The following FAAH2 variants were observed in gnomAD, a reference collection of about 807,000 sequenced individuals.
FAAH2 encodes the protein fatty acid amide hydrolase 2.
Under a neutral mutation model 36.9 loss-of-function variants are expected in FAAH2, and 60 were observed. That is an observed-to-expected ratio of 1.63 (90% CI 1.32 to 2.02). The LOEUF (loss-of-function observed/expected upper bound fraction) is 2.02, where lower values mean the gene tolerates loss of function less well. FAAH2 is among the 30% of genes most tolerant of loss of function. FAAH2 has a pLI of 0.00. For synonymous variants in FAAH2, 214 were observed against 143.8 expected, an observed-to-expected ratio of 1.49 and a Z score of -3.49; for missense variants, 689 against 397.5, an observed-to-expected ratio of 1.73 and a Z score of -6.23.
At chrX:57,473,247 A>T (rs1449050145) in intron 10 of FAAH2, among the ~76,000 whole-genome samples, 2 of 110,743 alleles carry the variant, frequency 1.8e-5, no homozygotes, top group Non-Finnish European at 3.8e-5. Context: ...ATACACTTCA[A>T]TTTTTTTTAA....
At chrX:57,131,095 T>TC in the FAAH2 span, among the ~76,000 whole-genome samples, 1 of 105,765 alleles carries the variant, frequency 9.5e-6, no homozygotes, top group Non-Finnish European at 2.0e-5. Flanking sequence ...TTTTTTTTTT[T>TC]TGAGACGGAG....
intron 10 of FAAH2, among the ~76,000 whole-genome samples, chrX:57,460,127 G>A (rs2056932254): frequency 9.0e-6 from 1 of 111,397 alleles, no homozygotes; most frequent in Non-Finnish European, 1.9e-5. Flanking sequence ...GAAAAGGAAT[G>A]AAAAAAGCCT....
In FAAH2 at chrX:57,299,154, A is replaced by G. The variant is rs1025766762; in HGVS notation, c.275+6574A>G. On this transcript the variant is annotated intron_variant, in intron 2 of 10. Transcript: ENST00000374900. ...AAGCCTGACAGAGACACAACAAAAAAAAGAGAATTTTAGACCAATATCCTT... is the reference window on the plus strand; with the variant it reads ...AAGCCTGACAGAGACACAACAAAAAGAAGAGAATTTTAGACCAATATCCTT... 9.5e-4 allele frequency among the ~76,000 whole-genome samples: 106 copies of G among 111,861 alleles called. 1 individual carries two copies. Among genetic ancestry groups the G allele is most frequent in the African/African-American group, 2.0e-3 (63 of 30,811 alleles).
intron 7 of FAAH2, among the ~76,000 whole-genome samples, chrX:57,388,131 A>G (rs748259174): frequency 8.9e-6 from 1 of 111,863 alleles, no homozygotes; most frequent in African/African-American, 3.2e-5. Context: ...GAATAAAAAT[A>G]TTAAGGATTT....
the FAAH2 span, among the ~76,000 whole-genome samples, chrX:57,252,215 A>T: frequency 8.9e-6 from 1 of 112,568 alleles, no homozygotes; most frequent in Non-Finnish European, 1.9e-5. Flanking sequence ...CTATGCTCAC[A>T]GTGTAAGCAA....
At chrX:57,163,183 G>T in the FAAH2 span, among the ~76,000 whole-genome samples, 1 of 112,068 alleles carries the variant, frequency 8.9e-6, no homozygotes, top group Non-Finnish European at 1.9e-5. Context: ...GGGGGTCAGG[G>T]GTCAGGGACC....
chrX:57,449,484 C>T (rs1409114962), intron 10 of FAAH2, among the ~76,000 whole-genome samples: 5 of 111,769 alleles, frequency 4.5e-5, no homozygotes, highest in Non-Finnish European at 9.4e-5. Context: ...TAATCTATGC[C>T]TTGCAGTGTT....
At chrX:57,357,528 T>A (rs762552950) in intron 5 of FAAH2, among the ~76,000 whole-genome samples, 3 of 111,721 alleles carry the variant, frequency 2.7e-5, no homozygotes, top group Non-Finnish European at 3.8e-5. Context: ...GGGCAAAGGA[T>A]ATGAATAGAG....
chrX:57,467,988 G>A (rs967907250), intron 10 of FAAH2, among the ~76,000 whole-genome samples: 1 of 111,601 alleles, frequency 9.0e-6, no homozygotes, highest in Non-Finnish European at 1.9e-5. Flanking sequence ...AGGCAAACAG[G>A]GTCTGGAGTG....
intron 5 of FAAH2, among the ~76,000 whole-genome samples, chrX:57,342,754 T>G (rs1220327210): frequency 1.8e-5 from 2 of 110,999 alleles, no homozygotes; most frequent in African/African-American, 6.6e-5. Context: ...ATAGGTAGTT[T>G]TTTGATCCTT....
the FAAH2 span, among the ~76,000 whole-genome samples, chrX:57,252,013 C>G: frequency 5.3e-5 from 6 of 112,503 alleles, no homozygotes; most frequent in Non-Finnish European, 7.5e-5. Context: ...CTGTGCTTTT[C>G]CCATGGTCTT....
At chrX:57,387,914 A>G (rs988041304) in intron 7 of FAAH2, among the ~76,000 whole-genome samples, 1 of 111,306 alleles carries the variant, frequency 9.0e-6, no homozygotes, top group Non-Finnish European at 1.9e-5. Context: ...ACATTATTAC[A>G]TCATTGGAGG....
At chrX:57,199,699 T>C in the FAAH2 span, among the ~76,000 whole-genome samples, 1 of 111,705 alleles carries the variant, frequency 9.0e-6, no homozygotes, top group Admixed American at 9.5e-5. Flanking sequence ...CCAGCTATTA[T>C]TGTGTTGTAA....
At chrX:57,146,433 C>G in the FAAH2 span, among the ~76,000 whole-genome samples, 915 of 111,996 alleles carry the variant, frequency 8.2e-3, 9 homozygotes, top group African/African-American at 0.028. Context: ...TGAAACTTTG[C>G]TGAATTCATT....
chrX:57,167,462 C>A, the FAAH2 span, among the ~76,000 whole-genome samples: 2 of 111,986 alleles, frequency 1.8e-5, no homozygotes, highest in Non-Finnish European at 3.8e-5. Context: ...TGATACCTGG[C>A]ATTCACAGTT....
At chrX:57,405,945 T>A (rs1465815707) in intron 7 of FAAH2, among the ~76,000 whole-genome samples, 1 of 109,110 alleles carries the variant, frequency 9.2e-6, no homozygotes, top group African/African-American at 3.3e-5. Flanking sequence ...ATCTGTCATT[T>A]CAAAGTGTTC....
the FAAH2 span, among the ~76,000 whole-genome samples, chrX:57,237,700 A>G: frequency 9.0e-6 from 1 of 111,674 alleles, no homozygotes; most frequent in African/African-American, 3.2e-5. Context: ...CTATCAACCA[A>G]GTAAACAGAC....
At chrX:57,303,813 C>T (rs909887268) in intron 2 of FAAH2, among the ~76,000 whole-genome samples, 1 of 112,068 alleles carries the variant, frequency 8.9e-6, no homozygotes, top group African/African-American at 3.2e-5. Context: ...CATAAGTAAG[C>T]TTCTAAAAAA....
At chrX:57,441,238 AT>A (rs1297966021) in intron 8 of FAAH2, among the ~76,000 whole-genome samples, 8 of 110,057 alleles carry the variant, frequency 7.3e-5, no homozygotes, top group Non-Finnish European at 1.5e-4. Context: ...CTGGTTCTGG[AT>A]TTTTTTTGTT....
Sources: allele counts gnomAD v4.1 joint callset (sites outside exome capture counted in the v4.1 genomes callset), GRCh38; gene constraint gnomAD v4.1.1; transcripts MANE v1.5; gene names NCBI Gene and HGNC (gene_info 2026-07-23, HGNC 2026-07-21).